The following UGT1A8 variants were observed in gnomAD, a reference collection of about 807,000 sequenced individuals.
UGT1A8 encodes the protein UDP-glucuronosyltransferase 1A8.
Under a neutral mutation model 45.3 loss-of-function variants are expected in UGT1A8, and 39 were observed. The observed-to-expected ratio is 0.86, with a 90% confidence interval of 0.67 to 1.12. The LOEUF (loss-of-function observed/expected upper bound fraction) is 1.12, where lower values mean the gene tolerates loss of function less well. Among genes scored for constraint, UGT1A8 ranks in the 50% most tolerant of loss-of-function variants. The probability of loss-of-function intolerance (pLI) is 0.00; values close to 1 mark genes in which losing one functional copy is unlikely to be tolerated. For synonymous variants in UGT1A8, 275 were observed against 249.2 expected (o/e 1.10, Z -0.97); for missense variants, 719 against 664.9 (o/e 1.08, Z -0.90).
chr2:233,691,482 G>A, intron 1 of UGT1A8: 1 of 985,742 alleles, frequency 1.0e-6, no homozygotes, highest in Non-Finnish European at 1.2e-6. Context: ...TGCCAAACTT[G>A]TGGGTGGGAA....
intron 1 of UGT1A8, among the ~76,000 whole-genome samples, chr2:233,653,704 C>G (rs578238928): frequency 6.6e-6 from 1 of 152,206 alleles, no homozygotes; most frequent in Non-Finnish European, 1.5e-5. Flanking sequence ...TCAAGCGATT[C>G]TCCTGCCTCA....
intron 1 of UGT1A8, among the ~76,000 whole-genome samples, chr2:233,698,456 A>G (rs1354773136): frequency 2.0e-5 from 3 of 152,236 alleles, no homozygotes; most frequent in African/African-American, 7.2e-5. Context: ...GATCATAGAA[A>G]ATGAAGCCCT....
chr2:233,772,135 A>C (rs1281309979), intron 4 of UGT1A8, 127 bp from the exon 5 acceptor site: 4 of 1,546,748 alleles, frequency 2.6e-6, no homozygotes, highest in Non-Finnish European at 3.5e-6. Context: ...CAACAACAAT[A>C]ATAGAAACAG....
intron 1 of UGT1A8, among the ~76,000 whole-genome samples, chr2:233,752,133 G>T (rs1347949695): frequency 6.6e-6 from 1 of 152,170 alleles, no homozygotes; most frequent in African/African-American, 2.4e-5. Context: ...TGGACAGAAA[G>T]GATCATTCCC....
chr2:233,749,951 T>C (rs566356604), intron 1 of UGT1A8, among the ~76,000 whole-genome samples: 1 of 151,998 alleles, frequency 6.6e-6, no homozygotes, highest in South Asian at 2.1e-4. Context: ...AATTACCGAG[T>C]CTTGGGTATG....
chr2:233,741,248 A>T (rs997599929), intron 1 of UGT1A8, among the ~76,000 whole-genome samples: 9 of 151,896 alleles, frequency 5.9e-5, no homozygotes, highest in African/African-American at 1.9e-4. Context: ...TGACACTGGT[A>T]TGCCACTCTT....
Position 233,676,253 on chromosome 2 carries a change from C to T in UGT1A8, c.855+57691C>T, listed in dbSNP as rs1248219589. On this transcript the variant is annotated intron_variant, in intron 1 of 4. Transcript: ENST00000373450. ...AGAAGCATGGTTGATGATGAATTCA[C>T]TGATGAATCACCCCTGTGTGCATCC... Among the ~76,000 whole-genome samples, 4 of 152,174 alleles carry T rather than the reference C, an allele frequency of 2.6e-5. No homozygotes were observed. In the East Asian group the frequency reaches 5.8e-4, roughly 22 times the overall value.
At chr2:233,743,603 C>T (rs1273601432) in intron 1 of UGT1A8, 1 of 1,367,314 alleles carries the variant, frequency 7.3e-7, no homozygotes, top group East Asian at 4.6e-5. Context: ...GTCCTGGCCG[C>T]CGAAGAACTC....
intron 1 of UGT1A8, among the ~76,000 whole-genome samples, chr2:233,653,165 G>A (rs993660335): frequency 1.3e-5 from 2 of 152,108 alleles, no homozygotes; most frequent in South Asian, 2.1e-4. Flanking sequence ...TCCTACAAAT[G>A]TAATTCCAGA....
chr2:233,635,224 T>C, intron 1 of UGT1A8, among the ~76,000 whole-genome samples: 1 of 150,626 alleles, frequency 6.6e-6, no homozygotes, highest in East Asian at 1.9e-4. Context: ...TCTCTCTGGC[T>C]GCCCTTAACA....
chr2:233,689,135 C>T (rs2074928364), intron 1 of UGT1A8, among the ~76,000 whole-genome samples: 1 of 152,204 alleles, frequency 6.6e-6, no homozygotes, highest in South Asian at 2.1e-4. Flanking sequence ...TTGTTACAAG[C>T]CCCTGAAGGA....
chr2:233,715,559 C>G (rs1347075985), intron 1 of UGT1A8, among the ~76,000 whole-genome samples: 2 of 152,016 alleles, frequency 1.3e-5, no homozygotes, highest in African/African-American at 2.4e-5. Flanking sequence ...ATTGCTTGAG[C>G]CCAGGAGTCT....
intron 1 of UGT1A8, among the ~76,000 whole-genome samples, chr2:233,697,120 C>T (rs948717146): frequency 1.2e-4 from 18 of 151,966 alleles, no homozygotes; most frequent in Non-Finnish European, 2.5e-4. Flanking sequence ...ATTCTCTCCT[C>T]TTCATTTTTC....
chr2:233,669,755 C>T (rs1412161329), intron 1 of UGT1A8, among the ~76,000 whole-genome samples: 1 of 152,144 alleles, frequency 6.6e-6, no homozygotes, highest in African/African-American at 2.4e-5. Flanking sequence ...GTGATCTCAG[C>T]TCAATGCAAC....
rs1433433254 is a variant in UGT1A8 at position 233,729,616 on chromosome 2, T to A, written c.856-37418T>A. On this transcript the variant is annotated intron_variant, in intron 1 of 4. Coordinates refer to ENST00000373450, the MANE Select transcript of UGT1A8 (RefSeq NM_019076.5). ...CCTCTGCGCGGCAGTGCTGGCTAAG[T>A]ACCTGTCGATTCCTACTGTGTTTTT... 3 of 1,614,044 alleles carry A rather than the reference T, an allele frequency of 1.9e-6. No homozygotes were observed. The Admixed American group carries it at 5.0e-5, about 27-fold the overall frequency.
In UGT1A8 at chr2:233,705,458, A is replaced by C. The variant is rs1256694964; in HGVS notation, c.856-61576A>C. On this transcript the variant is annotated intron_variant, in intron 1 of 4. Transcript: ENST00000373450. ...TCCTTCAGAATTGCACATATTTTTTAGCAGACACACATGAGGCAAATTTAA... is the reference window on the plus strand; with the variant it reads ...TCCTTCAGAATTGCACATATTTTTTCGCAGACACACATGAGGCAAATTTAA... Among the ~76,000 whole-genome samples the C allele has an allele frequency of 2.6e-5, 4 of 152,214 alleles. No individual in the cohort carries two copies. In the East Asian group the frequency reaches 7.7e-4, roughly 29 times the overall value.
At chr2:233,752,691 A>G (rs1290582885) in intron 1 of UGT1A8, 2 of 152,214 alleles carry the variant, frequency 1.3e-5, no homozygotes, top group Non-Finnish European at 2.9e-5. Context: ...ATTCATGTTT[A>G]CTAGTGGGGT....
chr2:233,768,267 GT>G lies in UGT1A8; in HGVS notation c.1126del (p.Tyr376MetfsTer11). Reference protein sequence around the residue: ...AFITHAGSHGVYESICNGVPM... With the variant: ...AFITHAGSHGXYESICNGVPM... The stretch of plus-strand genomic sequence containing the variant: ...TATCACCCATGCTGGTTCCCATGGT[GT>G]TTATGAAAGCATATGCAATGGCGTT... On this transcript the variant is annotated frameshift_variant, in exon 4 of 5. Coordinates refer to ENST00000373450, the MANE Select transcript of UGT1A8 (RefSeq NM_019076.5). LOFTEE classifies it high-confidence loss of function. 6.2e-7 allele frequency: 1 copy of G among 1,614,160 alleles called. No homozygotes were observed. The highest frequency in any genetic ancestry group is 8.5e-7 in the Non-Finnish European group (1 of 1,180,032).
intron 1 of UGT1A8, among the ~76,000 whole-genome samples, chr2:233,731,871 C>T (rs542174312): frequency 1.3e-5 from 2 of 152,330 alleles, no homozygotes; most frequent in South Asian, 4.1e-4. Flanking sequence ...CTGTCTTCCA[C>T]AATGGTTGAA....
Sources: gnomAD v4.1 joint callset for allele counts (sites outside exome capture counted in the v4.1 genomes callset) on GRCh38, gnomAD v4.1.1 for gene constraint, MANE v1.5 for transcripts, NCBI Gene and HGNC (gene_info 2026-07-23, HGNC 2026-07-21) for gene names.